The following VTI1A variants were observed in gnomAD, a reference collection of about 807,000 sequenced individuals.
The protein encoded by VTI1A is vesicle transport through interaction with t-SNAREs homolog 1A.
VTI1A carries 22 observed loss-of-function variants against 34.9 expected under a neutral mutation model. That is an observed-to-expected ratio of 0.63 (90% CI 0.45 to 0.90). The LOEUF (loss-of-function observed/expected upper bound fraction) is 0.90, where lower values mean the gene tolerates loss of function less well. Ranked by LOEUF, VTI1A falls within the 40% of genes least tolerant of loss-of-function variation. The pLI is 0.00. For missense variants in VTI1A, 268 were observed against 275.6 expected (o/e 0.97, Z 0.20); for synonymous variants, 87 against 97.3 (o/e 0.89, Z 0.62).
At chr10:112,754,709 C>G (rs2133997572) in intron 7 of VTI1A, among the ~76,000 whole-genome samples, 1 of 152,300 alleles carries the variant, frequency 6.6e-6, no homozygotes, top group Non-Finnish European at 1.5e-5. Flanking sequence ...TCTTTATGCC[C>G]TGGCAGCTGG....
intron 5 of VTI1A, among the ~76,000 whole-genome samples, chr10:112,583,956 C>T (rs1384883580): frequency 6.6e-6 from 1 of 152,154 alleles, no homozygotes; most frequent in Admixed American, 6.5e-5. Flanking sequence ...CCAGAATACC[C>T]AAAGTTGCCT....
At chr10:112,723,493 C>T (rs1240317682) in intron 7 of VTI1A, among the ~76,000 whole-genome samples, 1 of 152,130 alleles carries the variant, frequency 6.6e-6, no homozygotes, top group Non-Finnish European at 1.5e-5. Context: ...GGTGGGGGCC[C>T]GGACTGAAGG....
chr10:112,852,557 T>C, the VTI1A span, among the ~76,000 whole-genome samples: 1 of 152,102 alleles, frequency 6.6e-6, no homozygotes, highest in Non-Finnish European at 1.5e-5. Context: ...GAGGTGGGGG[T>C]TGGCACGTGG....
chr10:112,797,781 A>G (rs1167503275), intron 7 of VTI1A, among the ~76,000 whole-genome samples: 1 of 152,178 alleles, frequency 6.6e-6, no homozygotes, highest in Admixed American at 6.5e-5. Flanking sequence ...GCATTTACCT[A>G]AATATATGCA....
intron 3 of VTI1A, among the ~76,000 whole-genome samples, chr10:112,503,350 G>T (rs1207393516): frequency 1.3e-5 from 2 of 152,112 alleles, no homozygotes; most frequent in African/African-American, 4.8e-5. Context: ...ACATATGAAT[G>T]AGAACATGTG....
At chr10:112,757,664 G>T (rs1030935635) in intron 7 of VTI1A, among the ~76,000 whole-genome samples, 2 of 152,048 alleles carry the variant, frequency 1.3e-5, no homozygotes, top group African/African-American at 4.8e-5. Context: ...GGGATTACAG[G>T]CGTGAGTCAC....
At chr10:112,597,187 T>C (rs1366909148) in intron 5 of VTI1A, among the ~76,000 whole-genome samples, 1 of 152,134 alleles carries the variant, frequency 6.6e-6, no homozygotes, top group Non-Finnish European at 1.5e-5. Context: ...TTGGGAATTT[T>C]TGGAACCTCT....
chr10:112,529,638 T>C (rs1437015303), intron 4 of VTI1A, among the ~76,000 whole-genome samples: 5 of 152,078 alleles, frequency 3.3e-5, no homozygotes, highest in Non-Finnish European at 7.4e-5. Context: ...CAGAACTTCT[T>C]ATCCATGGAA....
intron 7 of VTI1A, among the ~76,000 whole-genome samples, chr10:112,748,067 G>A (rs1850965144): frequency 6.6e-6 from 1 of 152,110 alleles, no homozygotes; most frequent in Admixed American, 6.5e-5. Flanking sequence ...CTGAGGCCCA[G>A]GTAGAGGAAG....
rs546253778 is a variant in VTI1A, at chr10:112,789,526, CTCT to C, written c.561-25756_561-25754del. On this transcript the variant is annotated intron_variant, in intron 7 of 7. Transcript: ENST00000393077. ...ACATATTTATCTGCTACTCTCTCTC[CTCT>C]TCTTCTTGGATTCCCATTACACATA... is the stretch of plus-strand genomic sequence containing the variant. Among the ~76,000 whole-genome samples the C allele has an allele frequency of 3.6e-3, 553 of 152,228 alleles. 2 individuals are homozygous for C. The highest frequency in any genetic ancestry group is 5.7e-3 in the Non-Finnish European group (385 of 68,006).
chr10:112,805,723 T>C (rs1417185488), intron 7 of VTI1A, among the ~76,000 whole-genome samples: 4 of 151,996 alleles, frequency 2.6e-5, no homozygotes, highest in Admixed American at 6.6e-5. Flanking sequence ...AAGGCAGAGA[T>C]GAGGGAATGC....
At chr10:112,794,325 G>C (rs1005894947) in intron 7 of VTI1A, among the ~76,000 whole-genome samples, 3 of 152,162 alleles carry the variant, frequency 2.0e-5, no homozygotes, top group Non-Finnish European at 4.4e-5. Context: ...GGGAGGCTAG[G>C]TGGGAAGATC....
intron 7 of VTI1A, among the ~76,000 whole-genome samples, chr10:112,733,142 C>T (rs1182625073): frequency 6.6e-6 from 1 of 152,210 alleles, no homozygotes; most frequent in Non-Finnish European, 1.5e-5. Context: ...CTCTGGAATA[C>T]AAGGCTTTTT....
chr10:112,608,159 G>C (rs915617763), intron 5 of VTI1A, among the ~76,000 whole-genome samples: 3 of 152,130 alleles, frequency 2.0e-5, no homozygotes, highest in Non-Finnish European at 2.9e-5. Context: ...TCACGTTACA[G>C]CTTCCTCCTT....
intron 4 of VTI1A, chr10:112,533,504 C>CT (rs967324158): frequency 3.2e-5 from 32 of 1,007,654 alleles, no homozygotes; most frequent in Admixed American, 2.4e-4. Context: ...TCCTTTTTAT[C>CT]TTTTTTTTGT....
At chr10:112,649,707 A>T (rs1846935740) in intron 5 of VTI1A, among the ~76,000 whole-genome samples, 1 of 152,178 alleles carries the variant, frequency 6.6e-6, no homozygotes, top group South Asian at 2.1e-4. Context: ...TACTTACACA[A>T]ATCTAGATGG....
intron 7 of VTI1A, among the ~76,000 whole-genome samples, chr10:112,762,853 T>C (rs935599585): frequency 6.6e-6 from 1 of 152,182 alleles, no homozygotes; most frequent in African/African-American, 2.4e-5. Flanking sequence ...TTCAGGGCCA[T>C]GTTTCACATA....
chr10:112,806,516 C>T (rs946358403), intron 7 of VTI1A, among the ~76,000 whole-genome samples: 2 of 150,616 alleles, frequency 1.3e-5, no homozygotes, highest in Non-Finnish European at 3.0e-5. Context: ...AAACTCCTGA[C>T]CTCAAGTGAT....
chr10:112,531,106 TGC>T (rs1262969523), intron 4 of VTI1A, among the ~76,000 whole-genome samples: 2 of 47,700 alleles, frequency 4.2e-5, no homozygotes, highest in East Asian at 1.6e-3. Context: ...CACACACACG[TGC>T]GCACGTGCGC....
Sources: gnomAD v4.1 joint callset for allele counts (sites outside exome capture counted in the v4.1 genomes callset) on GRCh38, gnomAD v4.1.1 for gene constraint, MANE v1.5 for transcripts, NCBI Gene and HGNC (gene_info 2026-07-23, HGNC 2026-07-21) for gene names.